Variants in POLR3C observed in about 807,000 individuals in gnomAD.
The protein encoded by POLR3C is RNA polymerase III subunit C, also known as DNA-directed RNA polymerase III subunit RPC3.
Under a neutral mutation model 65.9 loss-of-function variants are expected in POLR3C, and 44 were observed. That is an observed-to-expected ratio of 0.67 (90% CI 0.52 to 0.86). The LOEUF (loss-of-function observed/expected upper bound fraction) is 0.86. POLR3C is among the 40% of genes least tolerant of loss of function. POLR3C has a pLI of 0.00. For missense variants in POLR3C, 576 were observed against 653.2 expected (o/e 0.88, Z 1.29); for synonymous variants, 263 against 231.6 (o/e 1.14, Z -1.23).
chr1:145,827,758 CAAA>C (rs1163679762), intron 4 of POLR3C, among the ~76,000 whole-genome samples: 9 of 58,526 alleles, frequency 1.5e-4, no homozygotes, highest in Admixed American at 1.1e-3. Flanking sequence ...GACTCCGTCT[CAAA>C]AAAAAAAAAA....
intron 14 of POLR3C, among the ~76,000 whole-genome samples, chr1:145,841,747 C>T (rs1652309447): frequency 6.6e-6 from 1 of 151,404 alleles, no homozygotes; most frequent in Non-Finnish European, 1.5e-5. Flanking sequence ...ATTATGTCAT[C>T]CATGAATAGA....
At position 145,836,799 on chromosome 1, in the gene POLR3C, C is replaced by T. The variant is rs1553728817; in HGVS notation, c.958-16C>T. The T allele has an allele frequency of 1.9e-6, 3 of 1,547,364 alleles. No individual in the cohort carries two copies. Among genetic ancestry groups the T allele is most frequent in the Non-Finnish European group, 1.8e-6 (2 of 1,121,328 alleles). On this transcript the variant is annotated splice_polypyrimidine_tract_variant and intron_variant, in intron 8 of 14. Transcript: ENST00000334163. Reference sequence around the variant, plus strand: ...GGACTTTCCGTTCAGTTAACACTCTCTCTTTTTCTTAATAGCTAGAGTTTG... The same window carrying T: ...GGACTTTCCGTTCAGTTAACACTCTTTCTTTTTCTTAATAGCTAGAGTTTG...
At chr1:145,831,897 C>T (rs932133297) in intron 5 of POLR3C, among the ~76,000 whole-genome samples, 2 of 152,074 alleles carry the variant, frequency 1.3e-5, no homozygotes, top group African/African-American at 4.8e-5. Flanking sequence ...AAAAATTACC[C>T]AAGCGTGGTG....
intron 14 of POLR3C, 119 bp downstream of exon 14, chr1:145,841,190 A>G: frequency 1.3e-6 from 1 of 782,936 alleles, no homozygotes; most frequent in Non-Finnish European, 2.1e-6. Context: ...CCTCCAGCTC[A>G]CTTAACAGAA....
Position 145,840,107 on chromosome 1 carries a change from T to C in POLR3C, c.1324-9T>C, listed in dbSNP as rs1553730062. Reference sequence around the variant, plus strand: ...ATGTGCATTCCTTGTCTGTCTTCTCTTTCCTCAGAGCATAGCCAACTTGAT... The same window carrying C: ...ATGTGCATTCCTTGTCTGTCTTCTCCTTCCTCAGAGCATAGCCAACTTGAT... On this transcript the variant is annotated splice_polypyrimidine_tract_variant and intron_variant, in intron 12 of 14. Transcript: ENST00000334163. The C allele has an allele frequency of 3.1e-6, 5 of 1,605,720 alleles. No homozygotes were observed. In the African/African-American group the frequency reaches 4.0e-5, roughly 13 times the overall value.
chr1:145,839,588 C>T lies in POLR3C; in HGVS notation c.1222-302C>T, dbSNP rs587633564. 10 of 240,894 alleles carry T rather than the reference C, an allele frequency of 4.2e-5. No individual in the cohort carries two copies. In the Admixed American group the frequency reaches 4.7e-4, roughly 11 times the overall value. The allele number at this position is 240,894 out of a possible 1,614,324, so 14.9% of individuals were successfully genotyped here. ...CACCCCCAAAAGATTAAAAAATTAG[C>T]GGAGCATGGTGGTGCATGCCTGTAG... On this transcript the variant is annotated intron_variant, in intron 11 of 14. Coordinates refer to ENST00000334163, the MANE Select transcript of POLR3C (RefSeq NM_006468.8).
chr1:145,836,548 T>C lies in POLR3C; in HGVS notation c.931T>C (p.Tyr311His). 1 of 1,607,450 alleles carries C rather than the reference T, an allele frequency of 6.2e-7. No homozygotes were observed. The highest frequency in any genetic ancestry group is 1.1e-5 in the South Asian group (1 of 90,934). The change falls in exon 8 of 15, where the codon TAT becomes CAT. Residue 311 changes from tyrosine (Y) to histidine (H), a missense_variant. Physicochemically the swap from Tyr to His is moderately conservative, Grantham distance 83. Transcript: ENST00000334163. ...CATCTCTAAGCAAGTTCTTGATCAGTATCTCACTCTGCTGGCAGATGATCC... is the reference window on the plus strand; with the variant it reads ...CATCTCTAAGCAAGTTCTTGATCAGCATCTCACTCTGCTGGCAGATGATCC... ...YNISKQVLDQYLTLLADDPLE... is the reference protein window; with the variant it reads ...YNISKQVLDQHLTLLADDPLE...
rs56756898 is a variant in POLR3C at position 145,828,225 on chromosome 1, C to T, written c.590-524C>T. On this transcript the variant is annotated intron_variant, in intron 4 of 14. Transcript: ENST00000334163. ...GATCTCAGAAGCTAATCAGGATCAA[C>T]CTGCTTAGTACTTGGATGGGAGACA... Among the ~76,000 whole-genome samples, 1,099 of 152,254 alleles carry T rather than the reference C, an allele frequency of 7.2e-3. 22 individuals carry two copies. The highest frequency in any genetic ancestry group is 0.025 in the African/African-American group (1,052 of 41,538).
intron 5 of POLR3C, among the ~76,000 whole-genome samples, chr1:145,830,798 CA>C (rs143384623): frequency 1.0e-3 from 139 of 138,932 alleles, no homozygotes; most frequent in African/African-American, 1.7e-3. Flanking sequence ...GACTCCATCT[CA>C]AAAAAAAAAA....
At chr1:145,831,079 A>G (rs1347315855) in intron 5 of POLR3C, among the ~76,000 whole-genome samples, 1 of 152,006 alleles carries the variant, frequency 6.6e-6, no homozygotes, top group Non-Finnish European at 1.5e-5. Flanking sequence ...AGCCTGGGCA[A>G]CAGAGCAAGA....
intron 2 of POLR3C, 61 bp from the exon 3 acceptor site, chr1:145,826,393 A>G (rs1650746105): frequency 5.9e-6 from 9 of 1,521,492 alleles, no homozygotes; most frequent in Non-Finnish European, 8.1e-6. Flanking sequence ...AAAAATTGCC[A>G]GCAGTAATGA....
Position 145,841,066 on chromosome 1 carries a change from C to G in POLR3C, c.1518C>G (p.Val506=). 2 of 1,613,306 alleles carry G rather than the reference C, an allele frequency of 1.2e-6. No homozygotes were observed. The highest frequency in any genetic ancestry group is 3.3e-4 in the Middle Eastern group (2 of 6,054). ...AGCTAGAGACCCTGAAACGTAATGT[C>G]AACAAGTAAGCATCATAAACTTCAG... ...RQQLETLKRN[V]NKLDASEIQV... Residue 506 remains valine, a synonymous_variant, in exon 14 of 15, where the codon GTC becomes GTG. Coordinates refer to ENST00000334163, the MANE Select transcript of POLR3C (RefSeq NM_006468.8).
chr1:145,836,827 G>T lies in POLR3C; in HGVS notation c.970G>T (p.Gly324Ter). 3.1e-6 allele frequency: 5 copies of T among 1,591,588 alleles called. No homozygotes were observed. Among genetic ancestry groups the T allele is most frequent in the Non-Finnish European group, 3.4e-6 (4 of 1,161,206 alleles). Residue 324 changes from glycine to a stop codon, truncating the protein, a stop_gained, in exon 9 of 15, where the codon GGA (glycine) becomes TGA (stop). Transcript: ENST00000334163. LOFTEE classifies it high-confidence loss of function. ...TTTTTCTTAATAGCTAGAGTTTGTT[G>T]GAAAGTCTGGCGACAGTGGTGGAGG... ...LLADDPLEFV[G>*]KSGDSGGGMY...
rs781962936 is a variant in POLR3C at position 145,829,824 on chromosome 1, A to G, written c.678+987A>G. Among the ~76,000 whole-genome samples the G allele has an allele frequency of 1.5e-4, 23 of 152,144 alleles. 1 individual carries two copies. Among genetic ancestry groups the G allele is most frequent in the Non-Finnish European group, 2.8e-4 (19 of 68,030 alleles). On this transcript the variant is annotated intron_variant, in intron 5 of 14. Transcript: ENST00000334163. ...TCATGTAGTGGTCTCTGTTTTTATCATTTCTATCTTAAATGCTGTTTTCAT... is the reference window on the plus strand; with the variant it reads ...TCATGTAGTGGTCTCTGTTTTTATCGTTTCTATCTTAAATGCTGTTTTCAT...
chr1:145,843,884 C>T lies in POLR3C; in HGVS notation c.*1464C>T, dbSNP rs1424557488. ...CCAAAAGATCTTAATAGGTAGTTTT[C>T]GAAAGAAGATACACAAATGGCCGAC... On this transcript the variant is annotated 3_prime_UTR_variant, in exon 15 of 15. Coordinates refer to ENST00000334163, the MANE Select transcript of POLR3C (RefSeq NM_006468.8). 6.6e-6 allele frequency among the ~76,000 whole-genome samples: 1 copy of T among 152,062 alleles called. No homozygotes were observed. The highest frequency in any genetic ancestry group is 1.5e-5 in the Non-Finnish European group (1 of 68,004).
intron 5 of POLR3C, among the ~76,000 whole-genome samples, chr1:145,832,471 G>A (rs912176923): frequency 1.3e-5 from 2 of 152,166 alleles, no homozygotes; most frequent in Admixed American, 1.3e-4. Context: ...CCCCAAGAAT[G>A]AATGAGAGAG....
intron 2 of POLR3C, among the ~76,000 whole-genome samples, chr1:145,826,227 T>C (rs587635843): frequency 1.3e-5 from 2 of 152,274 alleles, no homozygotes; most frequent in Admixed American, 6.5e-5. Context: ...TGAAAGTAAA[T>C]TGTGTTTTGA....
intron 1 of POLR3C, among the ~76,000 whole-genome samples, chr1:145,825,510 C>T (rs931284281): frequency 6.6e-5 from 10 of 152,180 alleles, no homozygotes; most frequent in African/African-American, 2.4e-4. Context: ...TATTGTTAGA[C>T]GTTAGATTGT....
At chr1:145,826,746 G>A in intron 3 of POLR3C, 37 bp downstream of exon 3, 1 of 1,612,250 alleles carries the variant, frequency 6.2e-7, no homozygotes, top group Non-Finnish European at 8.5e-7. Context: ...CAAAAGCATA[G>A]ATCAGCTGGC....
Sources: gnomAD v4.1 joint callset for allele counts (sites outside exome capture counted in the v4.1 genomes callset) on GRCh38, gnomAD v4.1.1 for gene constraint, MANE v1.5 for transcripts, NCBI Gene and HGNC (gene_info 2026-07-23, HGNC 2026-07-21) for gene names.